Variants in TRIO observed in about 807,000 individuals in gnomAD.
TRIO encodes trio Rho guanine nucleotide exchange factor, also known as triple functional domain protein.
TRIO carries 58 observed loss-of-function variants against 351.9 expected under a neutral mutation model. That is an observed-to-expected ratio of 0.16 (90% CI 0.13 to 0.21). The LOEUF (loss-of-function observed/expected upper bound fraction) is 0.21. Among genes scored for constraint, TRIO ranks in the 10% least tolerant of loss-of-function variants. The probability of loss-of-function intolerance (pLI) is 1.00; values close to 1 mark genes in which losing one functional copy is unlikely to be tolerated. For missense variants in TRIO, 3,201 were observed against 4,027.8 expected, an observed-to-expected ratio of 0.79 and a Z score of 5.56; for synonymous variants, 1,758 against 1,595.7, an observed-to-expected ratio of 1.10 and a Z score of -2.42.
At chr5:14,464,069 C>T (rs1328322174) in intron 36 of TRIO, among the ~76,000 whole-genome samples, 1 of 152,098 alleles carries the variant, frequency 6.6e-6, no homozygotes, top group Non-Finnish European at 1.5e-5. Flanking sequence ...TCAGGCTCCC[C>T]ACCATGTGTA....
At position 14,388,002 on chromosome 5, in the gene TRIO, G is replaced by A. The variant is rs1746697365; in HGVS notation, c.3881+155G>A. 4 of 682,364 alleles carry A rather than the reference G, an allele frequency of 5.9e-6. No homozygotes were observed. The East Asian group carries it at 1.1e-4, about 19-fold the overall frequency. 42.3% of individuals were successfully genotyped at this position (682,364 alleles called of 1,614,324 possible). ...TAGTTGTGTCAGCACAGACTTCGCT[G>A]CGTTCACTGTCCTCTTATCACCTGG... On this transcript the variant is annotated intron_variant, in intron 23 of 56. Coordinates refer to ENST00000344204, the MANE Select transcript of TRIO (RefSeq NM_007118.4).
chr5:14,169,063 G>C (rs532333318), intron 1 of TRIO, among the ~76,000 whole-genome samples: 1 of 152,148 alleles, frequency 6.6e-6, no homozygotes, highest in East Asian at 1.9e-4. Flanking sequence ...CTTTTTAATT[G>C]GGTTATTTGA....
intron 36 of TRIO, among the ~76,000 whole-genome samples, chr5:14,463,759 C>G (rs1754009213): frequency 6.6e-6 from 1 of 151,506 alleles, no homozygotes; most frequent in African/African-American, 2.4e-5. Context: ...TCCCTTTTTC[C>G]TTCCCTGACT....
intron 38 of TRIO, among the ~76,000 whole-genome samples, chr5:14,471,990 C>T (rs776362212): frequency 2.0e-5 from 3 of 152,020 alleles, no homozygotes; most frequent in African/African-American, 4.8e-5. Context: ...CCAGCACCTC[C>T]GATGGTGTTG....
intron 1 of TRIO, among the ~76,000 whole-genome samples, chr5:14,237,738 T>C (rs545388612): frequency 2.0e-5 from 3 of 152,336 alleles, no homozygotes; most frequent in African/African-American, 7.2e-5. Flanking sequence ...TTTCTCTACC[T>C]CTAAGTAGAT....
intron 33 of TRIO, among the ~76,000 whole-genome samples, chr5:14,412,419 A>G (rs530009522): frequency 4.6e-5 from 7 of 152,364 alleles, no homozygotes; most frequent in African/African-American, 1.7e-4. Flanking sequence ...GTTAATGCCA[A>G]TACATTTTGA....
intron 28 of TRIO, among the ~76,000 whole-genome samples, chr5:14,396,383 C>T (rs1179329980): frequency 7.0e-6 from 1 of 143,638 alleles, no homozygotes; most frequent in Non-Finnish European, 1.5e-5. Context: ...CCTGACATGG[C>T]AGTCAGCTGT....
intron 21 of TRIO, among the ~76,000 whole-genome samples, chr5:14,382,412 T>G (rs1359946977): frequency 6.6e-6 from 1 of 152,244 alleles, no homozygotes; most frequent in Admixed American, 6.5e-5. Flanking sequence ...CCTGAGGTGC[T>G]GGGCTCTCTC....
At chr5:14,173,998 G>T (rs893924458) in intron 1 of TRIO, among the ~76,000 whole-genome samples, 9 of 152,358 alleles carry the variant, frequency 5.9e-5, no homozygotes, top group African/African-American at 1.7e-4. Context: ...GTCCATTTAT[G>T]CAAGGCTGTT....
intron 1 of TRIO, among the ~76,000 whole-genome samples, chr5:14,206,715 A>C (rs964647441): frequency 6.6e-6 from 1 of 152,188 alleles, no homozygotes; most frequent in Non-Finnish European, 1.5e-5. Flanking sequence ...GACAGTACAG[A>C]TTGGTGTATA....
intron 1 of TRIO, among the ~76,000 whole-genome samples, chr5:14,256,885 G>A (rs1349288173): frequency 6.6e-6 from 1 of 152,168 alleles, no homozygotes; most frequent in East Asian, 1.9e-4. Flanking sequence ...ACTTAGTGTG[G>A]CTTTTCATTA....
intron 18 of TRIO, among the ~76,000 whole-genome samples, chr5:14,372,165 GA>G (rs1302159274): frequency 6.7e-6 from 1 of 149,250 alleles, no homozygotes; most frequent in African/African-American, 2.5e-5. Flanking sequence ...ACAATTTGTA[GA>G]TTTTTGTTAG....
At chr5:14,378,291 C>T (rs1397103551) in intron 20 of TRIO, among the ~76,000 whole-genome samples, 164 bp downstream of exon 20, 2 of 152,210 alleles carry the variant, frequency 1.3e-5, no homozygotes, top group Non-Finnish European at 2.9e-5. Context: ...ACCCCACAGC[C>T]TGGTAAAAGC....
At chr5:14,435,404 C>T (rs899822461) in intron 34 of TRIO, among the ~76,000 whole-genome samples, 1 of 152,136 alleles carries the variant, frequency 6.6e-6, no homozygotes, top group Non-Finnish European at 1.5e-5. Context: ...CCTTTCACCT[C>T]ACTGTCTCAG....
chr5:14,352,512 C>T (rs1171055392), intron 11 of TRIO, among the ~76,000 whole-genome samples: 2 of 152,230 alleles, frequency 1.3e-5, no homozygotes, highest in African/African-American at 4.8e-5. Context: ...ATATTTTAGG[C>T]ATCATGTACA....
chr5:14,177,122 A>G (rs1290041500), intron 1 of TRIO, among the ~76,000 whole-genome samples: 2 of 152,172 alleles, frequency 1.3e-5, no homozygotes, highest in Non-Finnish European at 2.9e-5. Context: ...ATGGGTTGAC[A>G]GTGGTGAGCA....
chr5:14,443,161 T>TA (rs1467364122), intron 34 of TRIO, among the ~76,000 whole-genome samples: 1 of 152,188 alleles, frequency 6.6e-6, no homozygotes, highest in African/African-American at 2.4e-5. Flanking sequence ...TGGTAATTCT[T>TA]AAACTATTAA....
chr5:14,189,369 C>T (rs907428355), intron 1 of TRIO, among the ~76,000 whole-genome samples: 10 of 152,308 alleles, frequency 6.6e-5, no homozygotes, highest in African/African-American at 1.9e-4. Context: ...AATCACTAGC[C>T]TAAATACAAG....
Position 14,304,323 on chromosome 5 carries a change from A to T in TRIO, c.1369-138A>T, listed in dbSNP as rs777848512. ...GAGTCTCATGTGAGTTGAGGATGCC[A>T]TTTGAGATGGAGAGTCAACCATGTT... On this transcript the variant is annotated intron_variant, in intron 7 of 56. Coordinates refer to ENST00000344204, the MANE Select transcript of TRIO (RefSeq NM_007118.4). 8.1e-6 allele frequency: 7 copies of T among 859,470 alleles called. No homozygotes were observed. The Admixed American group carries it at 8.7e-5, about 11-fold the overall frequency. The allele number at this position is 859,470 out of a possible 1,614,324, so 53.2% of individuals were successfully genotyped here.
Sources: gnomAD v4.1 joint callset for allele counts (sites outside exome capture counted in the v4.1 genomes callset) on GRCh38, gnomAD v4.1.1 for gene constraint, MANE v1.5 for transcripts, NCBI Gene and HGNC (gene_info 2026-07-23, HGNC 2026-07-21) for gene names.